The following MMP16 variants were observed in gnomAD, a reference collection of about 807,000 sequenced individuals.
MMP16 encodes matrix metalloproteinase-16.
In MMP16, 12 loss-of-function variants were observed where a neutral mutation model predicts 67.8. The observed-to-expected ratio is 0.18, with a 90% CI of 0.11 to 0.29. The LOEUF (loss-of-function observed/expected upper bound fraction) is 0.29, where lower values mean the gene tolerates loss of function less well. Among genes scored for constraint, MMP16 ranks in the 10% least tolerant of loss-of-function variants. MMP16 has a pLI of 1.00. For synonymous variants in MMP16, 249 were observed against 255.9 expected, an observed-to-expected ratio of 0.97 and a Z score of 0.26; for missense variants, 475 against 765.7, an observed-to-expected ratio of 0.62 and a Z score of 4.48.
At chr8:88,298,817 C>T (rs1811053828) in intron 1 of MMP16, among the ~76,000 whole-genome samples, 1 of 152,082 alleles carries the variant, frequency 6.6e-6, no homozygotes, top group South Asian at 2.1e-4. Context: ...TCATCTCTTA[C>T]TTCAAACACA....
At chr8:88,105,151 CTTTT>C (rs11300654) in intron 6 of MMP16, among the ~76,000 whole-genome samples, 2 of 143,138 alleles carry the variant, frequency 1.4e-5, no homozygotes, top group Non-Finnish European at 1.5e-5. Context: ...TTTATCTCAT[CTTTT>C]TTTTTTTTTT....
chr8:88,043,667 G>C (rs1036158577), intron 9 of MMP16, among the ~76,000 whole-genome samples: 3 of 152,126 alleles, frequency 2.0e-5, no homozygotes, highest in African/African-American at 4.8e-5. Context: ...TCTGGAAATC[G>C]TTCTGTTCAA....
At chr8:88,073,879 G>A (rs1808602988) in intron 7 of MMP16, among the ~76,000 whole-genome samples, 1 of 152,062 alleles carries the variant, frequency 6.6e-6, no homozygotes, top group Non-Finnish European at 1.5e-5. Flanking sequence ...GTTCTCCTCA[G>A]CTTCAGCTCA....
At chr8:88,207,903 G>A (rs1337311239) in intron 1 of MMP16, among the ~76,000 whole-genome samples, 1 of 152,124 alleles carries the variant, frequency 6.6e-6, no homozygotes, top group Admixed American at 6.6e-5. Context: ...GTCATTACAT[G>A]CCAAAATTAA....
intron 4 of MMP16, among the ~76,000 whole-genome samples, chr8:88,156,123 A>T (rs187418988): frequency 9.2e-5 from 14 of 152,112 alleles, no homozygotes; most frequent in African/African-American, 2.9e-4. Context: ...TTTCTTCTTT[A>T]TGCATCTTTG....
chr8:88,184,774 A>G lies in MMP16; in HGVS notation c.404+1702T>C, dbSNP rs1425564396. On this transcript the variant is annotated intron_variant, in intron 3 of 9. Coordinates refer to ENST00000286614, the MANE Select transcript of MMP16 (RefSeq NM_005941.5). ...AAAAAAAAAAAAAAAAAAAAAAAAAAAAAAGAAAAGAAAAAAGAATCCATG... is the reference window on the plus strand; with the variant it reads ...AAAAAAAAAAAAAAAAAAAAAAAAAGAAAAGAAAAGAAAAAAGAATCCATG... 3.4e-4 allele frequency among the ~76,000 whole-genome samples: 43 copies of G among 126,598 alleles called. 1 individual carries two copies. The highest frequency in any genetic ancestry group is 1.0e-3 in the South Asian group (4 of 3,916). The allele number at this position is 126,598 out of a possible 152,430, so 83.1% of individuals were successfully genotyped here.
intron 4 of MMP16, among the ~76,000 whole-genome samples, chr8:88,132,748 A>C (rs1428493641): frequency 6.6e-6 from 1 of 151,832 alleles, no homozygotes; most frequent in Admixed American, 6.6e-5. Context: ...CCTAGCTTAC[A>C]CTCAGGAGGA....
intron 1 of MMP16, among the ~76,000 whole-genome samples, chr8:88,265,229 T>TC (rs199655674): frequency 2.1e-5 from 3 of 142,840 alleles, no homozygotes; most frequent in African/African-American, 8.3e-5. Flanking sequence ...TTTCCTTTTT[T>TC]TTTTTTTTTT....
chr8:88,073,124 C>CT (rs1168001599), intron 7 of MMP16, among the ~76,000 whole-genome samples: 1 of 152,194 alleles, frequency 6.6e-6, no homozygotes, highest in Non-Finnish European at 1.5e-5. Context: ...GGAACTTAAC[C>CT]TGCCCTTCTT....
intron 1 of MMP16, among the ~76,000 whole-genome samples, chr8:88,201,920 G>C (rs770448769): frequency 1.3e-5 from 2 of 151,968 alleles, no homozygotes; most frequent in Admixed American, 6.6e-5. Context: ...ACATTTTCTC[G>C]TCTAAAAATG....
rs758818462 is a variant in MMP16, at chr8:88,074,678, G to A, written c.1149C>T (p.Tyr383=). The change falls in exon 7 of 10, where the codon TAC becomes TAT. Residue 383 remains tyrosine, a synonymous_variant. Coordinates refer to ENST00000286614, the MANE Select transcript of MMP16 (RefSeq NM_005941.5). ...TACTAGGAGGCAAGCCCCGCCAGAA[G>A]TAAGTAATTTGCATTGGGTATCCAT... ...VMDGYPMQIT[Y]FWRGLPPSID... 11 of 1,613,632 alleles carry A rather than the reference G, an allele frequency of 6.8e-6. No homozygotes were observed. The Admixed American group carries it at 8.3e-5, about 12-fold the overall frequency.
chr8:88,248,104 C>CT (rs1200900266), intron 1 of MMP16, among the ~76,000 whole-genome samples: 1 of 152,028 alleles, frequency 6.6e-6, no homozygotes, highest in Admixed American at 6.6e-5. Context: ...AAAGCTGAGG[C>CT]TGGGGCTGCA....
intron 2 of MMP16, among the ~76,000 whole-genome samples, chr8:88,187,711 T>C (rs1809096788): frequency 6.6e-6 from 1 of 152,176 alleles, no homozygotes; most frequent in Non-Finnish European, 1.5e-5. Flanking sequence ...ACAAACATAA[T>C]AACTTCCTGC....
In MMP16 at chr8:88,293,795, C is replaced by T. The variant is rs62524546; in HGVS notation, c.132+33280G>A. Among the ~76,000 whole-genome samples the T allele has an allele frequency of 6.6e-3, 1,008 of 152,150 alleles. 4 individuals are homozygous for T. Among genetic ancestry groups the T allele is most frequent in the Non-Finnish European group, 0.011 (779 of 67,956 alleles). ...GAAATTAGGATTTGATTTAAATCCA[C>T]GACAGTCAGTGTCCCATCTCAATCT... On this transcript the variant is annotated intron_variant, in intron 1 of 9. Transcript: ENST00000286614.
rs1370708480 is a variant in MMP16, at chr8:88,086,291, ATTCCAGAT to A, written c.1084-11556_1084-11549del. Among the ~76,000 whole-genome samples, 5 of 152,016 alleles carry A rather than the reference ATTCCAGAT, an allele frequency of 3.3e-5. No homozygotes were observed. In the East Asian group the frequency reaches 9.7e-4, roughly 29 times the overall value. On this transcript the variant is annotated intron_variant, in intron 6 of 9. Transcript: ENST00000286614. The stretch of plus-strand genomic sequence containing the variant: ...CTGCAGTTAGGGAAAGTAGTCACAA[ATTCCAGAT>A]AAGAATGCACCACACATTACTGCTG...
chr8:88,286,215 T>C (rs1286580841), intron 1 of MMP16, among the ~76,000 whole-genome samples: 1 of 152,144 alleles, frequency 6.6e-6, no homozygotes, highest in Non-Finnish European at 1.5e-5. Flanking sequence ...CTATATCCTG[T>C]CCATGTTCTT....
At chr8:88,134,080 T>G (rs921805110) in intron 4 of MMP16, among the ~76,000 whole-genome samples, 1 of 151,804 alleles carries the variant, frequency 6.6e-6, no homozygotes, top group Non-Finnish European at 1.5e-5. Flanking sequence ...TAGAGAGATG[T>G]AAAACACTTG....
At chr8:88,282,069 T>C (rs143014756) in intron 1 of MMP16, among the ~76,000 whole-genome samples, 1,475 of 75,748 alleles carry the variant, frequency 0.019, 32 homozygotes, top group African/African-American at 0.058. Context: ...ATTCCAGATT[T>C]TTTTTTCTTT....
intron 1 of MMP16, among the ~76,000 whole-genome samples, chr8:88,320,325 A>T (rs1405543804): frequency 6.6e-6 from 1 of 152,206 alleles, no homozygotes; most frequent in Non-Finnish European, 1.5e-5. Context: ...TCTAAAAGGC[A>T]TTATCAAATT....
Sources: allele counts gnomAD v4.1 joint callset (sites outside exome capture counted in the v4.1 genomes callset), GRCh38; gene constraint gnomAD v4.1.1; transcripts MANE v1.5; gene names NCBI Gene and HGNC (gene_info 2026-07-23, HGNC 2026-07-21).